SOX5: variants seen among roughly 807,000 people sequenced by gnomAD.
SOX5 encodes the protein transcription factor SOX-5.
A neutral mutation model predicts 92.0 loss-of-function variants in SOX5; 9 were observed. The ratio of observed to expected loss-of-function variants is 0.10; its 90% CI spans 0.06 to 0.17. The LOEUF is 0.17. Among genes scored for constraint, SOX5 ranks in the 10% least tolerant of loss-of-function variants. The pLI, the probability that SOX5 is intolerant of heterozygous loss-of-function variation, is 1.00. For missense variants in SOX5, 642 were observed against 944.5 expected (o/e 0.68, Z 4.20); for synonymous variants, 344 against 336.3 (o/e 1.02, Z -0.25).
chr12:23,989,209 C>A (rs1450686866), intron 4 of SOX5, among the ~76,000 whole-genome samples: 2 of 106,938 alleles, frequency 1.9e-5, no homozygotes, highest in African/African-American at 7.2e-5. Flanking sequence ...CCTGTCTCTG[C>A]CAAAAATACA....
intron 6 of SOX5, among the ~76,000 whole-genome samples, chr12:23,712,647 T>A (rs1053612868): frequency 2.0e-5 from 3 of 152,172 alleles, no homozygotes; most frequent in African/African-American, 7.2e-5. Context: ...GGGCCAAGAT[T>A]TAAACAAAGT....
intron 4 of SOX5, among the ~76,000 whole-genome samples, chr12:23,961,119 C>T (rs968548897): frequency 9.2e-5 from 14 of 152,084 alleles, no homozygotes; most frequent in East Asian, 1.9e-4. Flanking sequence ...CTGAAAGTTA[C>T]ATTTTTATTA....
chr12:23,689,849 T>C (rs1396543969), intron 6 of SOX5, among the ~76,000 whole-genome samples: 1 of 152,188 alleles, frequency 6.6e-6, no homozygotes, highest in African/African-American at 2.4e-5. Flanking sequence ...GTGAGAGATA[T>C]GTTTAATTCA....
At chr12:23,686,944 T>C (rs1240953070) in intron 6 of SOX5, among the ~76,000 whole-genome samples, 2 of 152,072 alleles carry the variant, frequency 1.3e-5, no homozygotes, top group African/African-American at 4.8e-5. Context: ...AGGCAGTCTT[T>C]ATTTAAGAAA....
chr12:23,619,795 T>A (rs1290762750), intron 8 of SOX5, among the ~76,000 whole-genome samples: 3 of 152,176 alleles, frequency 2.0e-5, no homozygotes, highest in Non-Finnish European at 2.9e-5. Flanking sequence ...ATTTGATATG[T>A]ATTTTAACCA....
chr12:24,174,586 C>T (rs1233851337), intron 4 of SOX5, among the ~76,000 whole-genome samples: 2 of 152,216 alleles, frequency 1.3e-5, no homozygotes, highest in Non-Finnish European at 2.9e-5. Context: ...CTTTGGGAGG[C>T]TGAGGTGGGC....
At chr12:24,120,953 G>A (rs1389583911) in intron 4 of SOX5, among the ~76,000 whole-genome samples, 1 of 152,140 alleles carries the variant, frequency 6.6e-6, no homozygotes, top group African/African-American at 2.4e-5. Flanking sequence ...GGTTGATGCA[G>A]GTGATCTCCA....
intron 4 of SOX5, among the ~76,000 whole-genome samples, chr12:24,202,626 ATCTT>A (rs1957632630): frequency 6.6e-6 from 1 of 152,032 alleles, no homozygotes; most frequent in Admixed American, 6.6e-5. Context: ...CAGTTCTTCA[ATCTT>A]TCTTTGTTTT....
At chr12:23,946,490 AAACT>A in intron 1 of SOX5, among the ~76,000 whole-genome samples, 1 of 152,056 alleles carries the variant, frequency 6.6e-6, no homozygotes, top group East Asian at 1.9e-4. Context: ...TATCATGAAC[AAACT>A]AATATTGACA....
chr12:24,359,551 C>A (rs1017536678), intron 2 of SOX5, among the ~76,000 whole-genome samples: 6 of 152,186 alleles, frequency 3.9e-5, no homozygotes, highest in Middle Eastern at 3.2e-3. Context: ...CCCCCTTAGC[C>A]ATACTTTTGG....
intron 4 of SOX5, among the ~76,000 whole-genome samples, chr12:23,957,229 G>A (rs1272087510): frequency 6.6e-6 from 1 of 152,078 alleles, no homozygotes; most frequent in Admixed American, 6.5e-5. Context: ...ACTAATTAAA[G>A]TTAATGTATA....
chr12:24,151,587 T>G (rs1951660171), intron 4 of SOX5, among the ~76,000 whole-genome samples: 1 of 152,154 alleles, frequency 6.6e-6, no homozygotes, highest in African/African-American at 2.4e-5. Flanking sequence ...TGTTTTGTTT[T>G]GTTTTTTAAG....
intron 3 of SOX5, among the ~76,000 whole-genome samples, chr12:24,239,434 A>G (rs1221594239): frequency 1.3e-5 from 2 of 152,206 alleles, no homozygotes; most frequent in African/African-American, 4.8e-5. Flanking sequence ...GCATATTCCG[A>G]TATTTTTTTC....
At chr12:23,577,191 A>AAATATTTT (rs1949284581) in intron 9 of SOX5, among the ~76,000 whole-genome samples, 1 of 61,390 alleles carries the variant, frequency 1.6e-5, no homozygotes, top group African/African-American at 5.7e-5. Flanking sequence ...ATATATATAT[A>AAATATTTT]TTTTTTTTTT....
At chr12:24,305,667 G>A (rs973137398) in intron 2 of SOX5, among the ~76,000 whole-genome samples, 2 of 152,106 alleles carry the variant, frequency 1.3e-5, no homozygotes, top group African/African-American at 2.4e-5. Flanking sequence ...GCGCGATCGC[G>A]GCTCACTGTA....
At chr12:23,938,945 T>A (rs1381747899) in intron 1 of SOX5, among the ~76,000 whole-genome samples, 1 of 151,054 alleles carries the variant, frequency 6.6e-6, no homozygotes, top group Non-Finnish European at 1.5e-5. Flanking sequence ...AAAAATCATT[T>A]TTATTAAAGT....
At chr12:23,999,217 G>A (rs1299180331) in intron 4 of SOX5, among the ~76,000 whole-genome samples, 3 of 149,038 alleles carry the variant, frequency 2.0e-5, no homozygotes, top group East Asian at 2.1e-4. Context: ...ACAACTGCCT[G>A]CTACGTGATC....
At chr12:24,305,514 T>A (rs927727038) in intron 2 of SOX5, among the ~76,000 whole-genome samples, 3 of 152,228 alleles carry the variant, frequency 2.0e-5, no homozygotes, top group East Asian at 1.9e-4. Context: ...CTCATTGGAT[T>A]TGGCTAACAA....
chr12:24,034,473 C>T (rs1955819723), intron 4 of SOX5, among the ~76,000 whole-genome samples: 1 of 151,866 alleles, frequency 6.6e-6, no homozygotes, highest in African/African-American at 2.4e-5. Flanking sequence ...CAAAGTAAAA[C>T]ATAGGAATGG....
Sources: allele counts gnomAD v4.1 joint callset (sites outside exome capture counted in the v4.1 genomes callset), GRCh38; gene constraint gnomAD v4.1.1; transcripts MANE v1.5; gene names NCBI Gene and HGNC (gene_info 2026-07-23, HGNC 2026-07-21).